Variants in RBFOX1 observed in about 807,000 individuals in gnomAD.
RBFOX1 encodes RNA binding protein fox-1 homolog 1.
A neutral mutation model predicts 57.7 loss-of-function variants in RBFOX1; 8 were observed. The observed-to-expected ratio is 0.14, with a 90% CI of 0.08 to 0.25. The LOEUF (loss-of-function observed/expected upper bound fraction) is 0.25, where lower values mean the gene tolerates loss of function less well. Ranked by LOEUF, RBFOX1 falls within the 10% of genes least tolerant of loss-of-function variation. The pLI is 1.00. For missense variants in RBFOX1, 611 were observed against 548.5 expected, an observed-to-expected ratio of 1.11 and a Z score of -1.14; for synonymous variants, 326 against 222.4, an observed-to-expected ratio of 1.47 and a Z score of -4.15.
intron 3 of RBFOX1, among the ~76,000 whole-genome samples, chr16:6,743,891 G>C (rs1182332839): frequency 6.7e-6 from 1 of 149,548 alleles, no homozygotes; most frequent in African/African-American, 2.5e-5. Context: ...ATTAATTAAG[G>C]ATATTAACCA....
At chr16:7,452,898 G>T (rs1042850495) in intron 4 of RBFOX1, among the ~76,000 whole-genome samples, 2 of 152,070 alleles carry the variant, frequency 1.3e-5, no homozygotes, top group Admixed American at 6.6e-5. Context: ...GGAGGTCGTG[G>T]TGGGTGGATC....
chr16:7,154,643 A>G (rs2076725712), intron 4 of RBFOX1, among the ~76,000 whole-genome samples: 1 of 151,658 alleles, frequency 6.6e-6, no homozygotes, highest in Admixed American at 6.6e-5. Flanking sequence ...GTGATTGGAG[A>G]GGCATAAAAC....
intron 3 of RBFOX1, among the ~76,000 whole-genome samples, chr16:5,814,942 A>G (rs1567576616): frequency 1.3e-5 from 2 of 151,290 alleles, no homozygotes; most frequent in African/African-American, 4.9e-5. Flanking sequence ...TCTCAAAAAG[A>G]AAAAAAAGAA....
intron 1 of RBFOX1, among the ~76,000 whole-genome samples, chr16:5,435,824 A>G (rs565654803): frequency 6.6e-6 from 1 of 152,370 alleles, no homozygotes; most frequent in African/African-American, 2.4e-5. Flanking sequence ...CACTGTGTGG[A>G]TAACTGTGCA....
Position 6,964,068 on chromosome 16 carries a change from G to C in RBFOX1, c.-15-87989G>C, listed in dbSNP as rs2083570737. Among the ~76,000 whole-genome samples, 10 of 151,910 alleles carry C rather than the reference G, an allele frequency of 6.6e-5. No individual in the cohort carries two copies. The South Asian group carries it at 2.1e-3, about 32-fold the overall frequency. Reference sequence around the variant, plus strand: ...AAGTCTTGCTCTGTCACCCAGGCTGGAGTGCAGTGGTGCATTCTCGGCTCA... The same window carrying C: ...AAGTCTTGCTCTGTCACCCAGGCTGCAGTGCAGTGGTGCATTCTCGGCTCA... On this transcript the variant is annotated intron_variant, in intron 3 of 15. Coordinates refer to ENST00000550418, the MANE Select transcript of RBFOX1 (RefSeq NM_018723.4).
chr16:6,965,965 C>T, intron 3 of RBFOX1, among the ~76,000 whole-genome samples: 1 of 152,070 alleles, frequency 6.6e-6, no homozygotes, highest in East Asian at 1.9e-4. Flanking sequence ...TTAATGGATT[C>T]ACTTAGGGCT....
In RBFOX1 at chr16:7,710,885, A is replaced by T. The variant is rs553062685; in HGVS notation, c.*140A>T. ...ACAAATAAAAAGGAAAAAAAATTACATTTTTTATCTTATACCTCAGATATT... is the reference window on the plus strand; with the variant it reads ...ACAAATAAAAAGGAAAAAAAATTACTTTTTTTATCTTATACCTCAGATATT... On this transcript the variant is annotated 3_prime_UTR_variant, in exon 16 of 16. Coordinates refer to ENST00000550418, the MANE Select transcript of RBFOX1 (RefSeq NM_018723.4). 1.9e-5 allele frequency: 17 copies of T among 901,106 alleles called. No individual in the cohort carries two copies. The highest frequency in any genetic ancestry group is 2.5e-5 in the Non-Finnish European group (17 of 669,396). 55.8% of individuals were successfully genotyped at this position (901,106 alleles called of 1,614,324 possible). A position where few individuals can be genotyped will look rare whatever the true frequency, so the allele number is the denominator to read the frequency against.
intron 3 of RBFOX1, among the ~76,000 whole-genome samples, chr16:6,994,354 A>C (rs1417967212): frequency 3.9e-5 from 6 of 152,338 alleles, no homozygotes; most frequent in African/African-American, 7.2e-5. Context: ...TTAAAGTCCC[A>C]GGTGTTGATA....
rs538511923 is a variant in RBFOX1, at chr16:6,514,943, A to G, written c.-63-139660A>G. 3.2e-4 allele frequency among the ~76,000 whole-genome samples: 49 copies of G among 152,226 alleles called. No individual in the cohort carries two copies. The South Asian group carries it at 9.8e-3, about 30-fold the overall frequency. Reference sequence around the variant, plus strand: ...GGGAGAATGAGGACATGAAGGAGGAAGAGAAGGAGTTGGAGAATGAAAAGA... The same window carrying G: ...GGGAGAATGAGGACATGAAGGAGGAGGAGAAGGAGTTGGAGAATGAAAAGA... On this transcript the variant is annotated intron_variant, in intron 2 of 15. Coordinates refer to ENST00000550418, the MANE Select transcript of RBFOX1 (RefSeq NM_018723.4).
At chr16:5,854,667 T>A (rs2056980714) in intron 3 of RBFOX1, among the ~76,000 whole-genome samples, 2 of 152,184 alleles carry the variant, frequency 1.3e-5, no homozygotes, top group Non-Finnish European at 2.9e-5. Context: ...TTCCATACTT[T>A]GCTGTAGTGA....
chr16:7,429,710 G>T (rs914454273), intron 4 of RBFOX1, among the ~76,000 whole-genome samples: 1 of 152,096 alleles, frequency 6.6e-6, no homozygotes, highest in Non-Finnish European at 1.5e-5. Context: ...TTTTCCCTTG[G>T]GAATTTACAA....
At chr16:7,280,579 G>C (rs926873140) in intron 4 of RBFOX1, among the ~76,000 whole-genome samples, 4 of 152,200 alleles carry the variant, frequency 2.6e-5, no homozygotes, top group African/African-American at 9.7e-5. Flanking sequence ...GGACAAGCTT[G>C]AGTGACATCT....
In RBFOX1 at chr16:7,711,241, T is replaced by G. The variant is rs1016922802; in HGVS notation, c.*496T>G. ...TTTGGCTGAAAGAAAAAAAAAAAAA[T>G]GTAACTGATGAATCTAAACGACCCA... On this transcript the variant is annotated 3_prime_UTR_variant, in exon 16 of 16. Transcript: ENST00000550418. 6.7e-6 allele frequency: 1 copy of G among 148,182 alleles called. No homozygotes were observed. Among genetic ancestry groups the G allele is most frequent in the African/African-American group, 2.5e-5 (1 of 40,248 alleles). 9.2% of individuals were successfully genotyped at this position (148,182 alleles called of 1,614,324 possible). A position where few individuals can be genotyped will look rare whatever the true frequency, so the allele number is the denominator to read the frequency against.
chr16:5,492,696 G>A (rs970449826), intron 2 of RBFOX1, among the ~76,000 whole-genome samples: 12 of 152,148 alleles, frequency 7.9e-5, no homozygotes, highest in African/African-American at 2.9e-4. Flanking sequence ...TCCAAAGCAG[G>A]GGCTCAGACT....
At chr16:6,937,410 T>A (rs199736864) in intron 3 of RBFOX1, among the ~76,000 whole-genome samples, 4 of 152,166 alleles carry the variant, frequency 2.6e-5, no homozygotes, top group East Asian at 3.9e-4. Flanking sequence ...ACTTTTTTTT[T>A]ATAGTTTTCT....
intron 4 of RBFOX1, among the ~76,000 whole-genome samples, chr16:7,232,496 A>G (rs113131277): frequency 0.013 from 2,050 of 152,228 alleles, 39 homozygotes; most frequent in African/African-American, 0.047. Context: ...CCCCACACAC[A>G]TATGCCCACT....
At chr16:5,706,363 C>G (rs964502567) in intron 3 of RBFOX1, among the ~76,000 whole-genome samples, 1 of 152,182 alleles carries the variant, frequency 6.6e-6, no homozygotes, top group Non-Finnish European at 1.5e-5. Flanking sequence ...AAGCTGATTT[C>G]AAGGTGTCGA....
At chr16:5,779,486 T>A (rs2054258142) in intron 3 of RBFOX1, among the ~76,000 whole-genome samples, 1 of 152,174 alleles carries the variant, frequency 6.6e-6, no homozygotes, top group Non-Finnish European at 1.5e-5. Context: ...GAGCCATTTA[T>A]CTCATGGTGT....
At chr16:6,772,520 G>A (rs1310773620) in intron 3 of RBFOX1, among the ~76,000 whole-genome samples, 1 of 151,470 alleles carries the variant, frequency 6.6e-6, no homozygotes, top group Non-Finnish European at 1.5e-5. Flanking sequence ...ATGTATATGG[G>A]TGGGTATGGG....
Sources: allele counts gnomAD v4.1 joint callset (sites outside exome capture counted in the v4.1 genomes callset), GRCh38; gene constraint gnomAD v4.1.1; transcripts MANE v1.5; gene names NCBI Gene and HGNC (gene_info 2026-07-23, HGNC 2026-07-21).